The following C13orf46 variants were observed in gnomAD, a reference collection of about 807,000 sequenced individuals.
The protein encoded by C13orf46 is chromosome 13 open reading frame 46.
At chr13:113,927,221 G>A in the C13orf46 span, 4 of 263,206 alleles carry the variant, frequency 1.5e-5, no homozygotes, top group Admixed American at 5.4e-5. Context: ...CCCTTGAGTG[G>A]AGCCCTGGAC....
the C13orf46 span, chr13:113,927,876 G>C: frequency 5.7e-6 from 2 of 352,276 alleles, no homozygotes; most frequent in Admixed American, 4.7e-5. Context: ...AGATTCTCCA[G>C]CAAGTCTCTT....
downstream of C13orf46, among the ~76,000 whole-genome samples, chr13:113,953,475 CCAGA>C (rs1334530651): frequency 6.6e-6 from 1 of 152,116 alleles, no homozygotes; most frequent in Non-Finnish European, 1.5e-5. Context: ...CCCCACCCCA[CCAGA>C]CAGTGAAGGA....
intron 1 of C13orf46, among the ~76,000 whole-genome samples, chr13:113,970,723 C>G (rs375507853): frequency 1.3e-5 from 2 of 152,208 alleles, no homozygotes; most frequent in Non-Finnish European, 2.9e-5. Flanking sequence ...TCCCCAGGGT[C>G]TCTGGGCTCC....
the C13orf46 span, chr13:113,928,809 A>G: frequency 6.6e-6 from 1 of 152,474 alleles, no homozygotes; most frequent in South Asian, 2.1e-4. Context: ...GCGTGGCTCC[A>G]TGGCCTCAGA....
the C13orf46 span, among the ~76,000 whole-genome samples, chr13:113,933,451 C>G: frequency 6.6e-6 from 1 of 152,168 alleles, no homozygotes; most frequent in East Asian, 1.9e-4. Context: ...TTCTTCAACT[C>G]TGTTCTTTTT....
rs1186731619 is a variant in C13orf46 at position 113,955,867 on chromosome 13, A to AGGAGAGGAGGAGCATCCGGT, written c.*886_*905dup. Reference sequence around the variant, plus strand: ...TCTCGAGGAGAGGAGGAGCATCTCGAGGAGAGGAGGAGCATCCGGTGGAGA... The same window carrying AGGAGAGGAGGAGCATCCGGT: ...TCTCGAGGAGAGGAGGAGCATCTCGAGGAGAGGAGGAGCATCCGGTGGAGAGGAGGAGCATCCGGTGGAGA... On this transcript the variant is annotated 3_prime_UTR_variant, in exon 7 of 7. Coordinates refer to ENST00000636427, the MANE Select transcript of C13orf46 (RefSeq NM_001365455.2). 6 of 140,222 alleles carry AGGAGAGGAGGAGCATCCGGT rather than the reference A, an allele frequency of 4.3e-5. No homozygotes were observed. The highest frequency in any genetic ancestry group is 1.2e-4 in the African/African-American group (4 of 33,056). 8.7% of individuals were successfully genotyped at this position (140,222 alleles called of 1,614,324 possible). A position where few individuals can be genotyped will look rare whatever the true frequency, so the allele number is the denominator to read the frequency against.
At chr13:113,932,994 A>C in the C13orf46 span, among the ~76,000 whole-genome samples, 9 of 152,084 alleles carry the variant, frequency 5.9e-5, no homozygotes, top group African/African-American at 1.9e-4. Flanking sequence ...TCTCCTGAGT[A>C]GCTGGGATTA....
chr13:113,936,460 C>T, the C13orf46 span, among the ~76,000 whole-genome samples: 1 of 152,170 alleles, frequency 6.6e-6, no homozygotes, highest in Admixed American at 6.5e-5. Context: ...CCGGGCAAGT[C>T]CTCCACTTTG....
intron 1 of C13orf46, among the ~76,000 whole-genome samples, chr13:113,970,849 G>A (rs543427682): frequency 6.6e-6 from 1 of 152,220 alleles, no homozygotes; most frequent in East Asian, 1.9e-4. Flanking sequence ...CAACTCGGGT[G>A]AGCGGTGCTC....
Position 113,954,951 on chromosome 13 carries a change from C to T in C13orf46, c.*1822G>A, listed in dbSNP as rs1485813227. ...GGCGGAGACGAGGAGGAGGATCTGG[C>T]GGAGACGAGGAGGAGGATCTGGCGG... is the stretch of plus-strand genomic sequence containing the variant. On this transcript the variant is annotated 3_prime_UTR_variant, in exon 7 of 7. Coordinates refer to ENST00000636427, the MANE Select transcript of C13orf46 (RefSeq NM_001365455.2). 10 of 160,766 alleles carry T rather than the reference C, an allele frequency of 6.2e-5. No homozygotes were observed. Among genetic ancestry groups the T allele is most frequent in the South Asian group, 1.2e-4 (1 of 8,434 alleles). The allele number at this position is 160,766 out of a possible 1,614,324, so 10.0% of individuals were successfully genotyped here.
the C13orf46 span, among the ~76,000 whole-genome samples, chr13:113,945,352 T>C: frequency 2.6e-5 from 4 of 151,978 alleles, no homozygotes; most frequent in Non-Finnish European, 4.4e-5. Context: ...GAGACCATCC[T>C]GGCTAACATG....
the C13orf46 span, chr13:113,928,425 G>A: frequency 2.0e-5 from 3 of 152,524 alleles, no homozygotes; most frequent in Non-Finnish European, 2.9e-5. Flanking sequence ...GACGCCCTAG[G>A]GCAGGTCCAG....
intron 5 of C13orf46, among the ~76,000 whole-genome samples, chr13:113,966,615 G>A (rs2052652181): frequency 6.6e-6 from 1 of 151,558 alleles, no homozygotes; most frequent in African/African-American, 2.4e-5. Flanking sequence ...CAGTGATGAT[G>A]GTCATGATAG....
chr13:113,930,935 G>C, the C13orf46 span, among the ~76,000 whole-genome samples: 1 of 152,234 alleles, frequency 6.6e-6, no homozygotes, highest in African/African-American at 2.4e-5. Flanking sequence ...GTGGGTCACG[G>C]CCTCCAGGGC....
At chr13:113,962,716 G>T (rs2052596972) in intron 6 of C13orf46, among the ~76,000 whole-genome samples, 1 of 152,142 alleles carries the variant, frequency 6.6e-6, no homozygotes, top group Non-Finnish European at 1.5e-5. Context: ...GAGTCAAGGG[G>T]GATGGAGGCT....
chr13:113,956,424 G>C lies in C13orf46; in HGVS notation c.*349C>G, dbSNP rs977582715. On this transcript the variant is annotated 3_prime_UTR_variant, in exon 7 of 7. Transcript: ENST00000636427. ...AGGAGGAGCATCTGGTGGAGAGGAG[G>C]AGCATCTTCCCGTGCTTGTTTATTG... 4.0e-5 allele frequency: 6 copies of C among 151,418 alleles called. No individual in the cohort carries two copies. The highest frequency in any genetic ancestry group is 8.6e-5 in the Non-Finnish European group (6 of 69,858). 9.4% of individuals were successfully genotyped at this position (151,418 alleles called of 1,614,324 possible).
At chr13:113,964,594 T>TC (rs1260378111) in intron 6 of C13orf46, among the ~76,000 whole-genome samples, 4 of 152,052 alleles carry the variant, frequency 2.6e-5, no homozygotes, top group Non-Finnish European at 4.4e-5. Context: ...TTATCACCTC[T>TC]CCCCCCTCCT....
intron 6 of C13orf46, among the ~76,000 whole-genome samples, chr13:113,962,162 G>T (rs1594246908): frequency 6.6e-6 from 1 of 152,208 alleles, no homozygotes; most frequent in African/African-American, 2.4e-5. Flanking sequence ...CCAGCACATC[G>T]GGAGGCTGAG....
At chr13:113,959,769 A>C (rs1306402839) in intron 6 of C13orf46, among the ~76,000 whole-genome samples, 7 of 152,248 alleles carry the variant, frequency 4.6e-5, no homozygotes, top group Admixed American at 2.6e-4. Flanking sequence ...TGTCCAAGTT[A>C]TCTCTCTTTT....
Sources: gnomAD v4.1 joint callset for allele counts (sites outside exome capture counted in the v4.1 genomes callset) on GRCh38, gnomAD v4.1.1 for gene constraint, MANE v1.5 for transcripts, NCBI Gene and HGNC (gene_info 2026-07-23, HGNC 2026-07-21) for gene names.